The following RUSF1 variants were observed in gnomAD, a reference collection of about 807,000 sequenced individuals.
RUSF1 encodes the protein RUS family member 1, also known as RUS1 family protein C16orf58.
RUSF1 carries 58 observed loss-of-function variants against 63.0 expected under a neutral mutation model. The observed-to-expected ratio is 0.92, with a 90% CI of 0.75 to 1.15. The LOEUF (loss-of-function observed/expected upper bound fraction) is 1.15, where lower values mean the gene tolerates loss of function less well. Ranked by LOEUF, RUSF1 falls within the 50% of genes most tolerant of loss-of-function variation. The pLI is 0.00. For synonymous variants in RUSF1, 274 were observed against 255.8 expected (o/e 1.07, Z -0.68); for missense variants, 652 against 611.0 (o/e 1.07, Z -0.71).
intron 6 of RUSF1, 30 bp downstream of exon 6, chr16:31,496,819 C>A (rs1282929772): frequency 3.3e-6 from 5 of 1,525,216 alleles, no homozygotes; most frequent in Non-Finnish European, 3.5e-6. Context: ...CCTCCCCACT[C>A]CACGCCCTCC....
At chr16:31,502,220 C>T (rs1185835224) in intron 2 of RUSF1, among the ~76,000 whole-genome samples, 1 of 152,202 alleles carries the variant, frequency 6.6e-6, no homozygotes, top group African/African-American at 2.4e-5. Flanking sequence ...AAGGACACTA[C>T]GTTATGGGAA....
At position 31,496,987 on chromosome 16, in the gene RUSF1, A is replaced by G. The variant is rs1463426194; in HGVS notation, c.601-37T>C. The G allele has an allele frequency of 2.6e-6, 4 of 1,522,024 alleles. No individual in the cohort carries two copies. In the Admixed American group the frequency reaches 7.7e-5, roughly 29 times the overall value. The allele number at this position is 1,522,024 out of a possible 1,614,324, so 94.3% of individuals were successfully genotyped here. A position where few individuals can be genotyped will look rare whatever the true frequency, so the allele number is the denominator to read the frequency against. ...GGGAAGAGAGAAGGTTGGCAGAGAC[A>G]CGTGTCCTGGTAACACAGGCACTCA... On this transcript the variant is annotated intron_variant, in intron 5 of 12. Coordinates refer to ENST00000327237, the MANE Select transcript of RUSF1 (RefSeq NM_022744.4).
In RUSF1 at chr16:31,493,500, G is replaced by A. The variant is rs1275380960; in HGVS notation, c.983C>T (p.Ser328Phe). The change falls in exon 9 of 13, where the codon TCC becomes TTC. Residue 328 changes from serine (S) to phenylalanine (F), a missense_variant. Physicochemically the swap from Ser to Phe is radical, Grantham distance 155. Transcript: ENST00000327237. ...CAAGCGGTGTAAGGGGACCCCCAGGGATAGAGACGGAGCTGGCCAGAAACC... is the reference window on the plus strand; with the variant it reads ...CAAGCGGTGTAAGGGGACCCCCAGGAATAGAGACGGAGCTGGCCAGAAACC... ...WTGFWPAPSL[S>F]LGVPLHRLVS... 2 of 1,612,600 alleles carry A rather than the reference G, an allele frequency of 1.2e-6. No individual in the cohort carries two copies. The highest frequency in any genetic ancestry group is 1.1e-5 in the South Asian group (1 of 90,758).
At chr16:31,507,739 G>C (rs893085704) in intron 2 of RUSF1, 25 bp downstream of exon 2, 2 of 1,548,386 alleles carry the variant, frequency 1.3e-6, no homozygotes, top group Admixed American at 3.9e-5. Context: ...GCAGCAATAC[G>C]TGAGGCTCCA....
In RUSF1 at chr16:31,508,199, C is replaced by G; in HGVS notation, c.175G>C (p.Glu59Gln). 1 of 1,566,094 alleles carries G rather than the reference C, an allele frequency of 6.4e-7. No individual in the cohort carries two copies. Among genetic ancestry groups the G allele is most frequent in the Non-Finnish European group, 8.6e-7 (1 of 1,156,122 alleles). The change falls in exon 1 of 13, where the codon GAA becomes CAA. Residue 59 changes from glutamate (E) to glutamine (Q), a missense_variant. Glu to Gln is a conservative substitution (Grantham distance 29). Coordinates refer to ENST00000327237, the MANE Select transcript of RUSF1 (RefSeq NM_022744.4). ...TVKPEGRDAG[E>Q]VGASGAPSPP... ...GAGGGGGCCCCGGAAGCCCCCACTT[C>G]GCCCGCATCTCGTCCTTCAGGTTTG...
chr16:31,495,199 G>T (rs992638138), intron 6 of RUSF1, among the ~76,000 whole-genome samples: 2 of 152,140 alleles, frequency 1.3e-5, no homozygotes, highest in African/African-American at 4.8e-5. Flanking sequence ...CTCATCATGA[G>T]GGAGGAGTCT....
chr16:31,493,955 A>T lies in RUSF1; in HGVS notation c.703-19T>A. 6.2e-7 allele frequency: 1 copy of T among 1,612,988 alleles called. No individual in the cohort carries two copies. The highest frequency in any genetic ancestry group is 8.5e-7 in the Non-Finnish European group (1 of 1,179,498). The stretch of plus-strand genomic sequence containing the variant: ...GCGTCTCCTGGAAAATGGCAGAGGG[A>T]GAAGGAGTTGGAAGGTGCCCCTCCA... On this transcript the variant is annotated intron_variant, in intron 6 of 12. Transcript: ENST00000327237.
intron 6 of RUSF1, among the ~76,000 whole-genome samples, chr16:31,494,779 A>C (rs1457045262): frequency 6.6e-6 from 1 of 151,544 alleles, no homozygotes; most frequent in African/African-American, 2.4e-5. Context: ...TGGTGCAATC[A>C]TAACTCACAG....
At position 31,493,865 on chromosome 16, in the gene RUSF1, C is replaced by T. The variant is rs760747784; in HGVS notation, c.773+1G>A. ...TCCTGCCCACCCTGCTTCCGGCTTA[C>T]CCAGGGCAACCTGACACCAGAGGGA... On this transcript the variant is annotated splice_donor_variant, in intron 7 of 12. Coordinates refer to ENST00000327237, the MANE Select transcript of RUSF1 (RefSeq NM_022744.4). LOFTEE classifies it high-confidence loss of function. The T allele has an allele frequency of 4.0e-5, 65 of 1,614,086 alleles. No individual in the cohort carries two copies. Among genetic ancestry groups the T allele is most frequent in the Non-Finnish European group, 4.9e-5 (58 of 1,180,046 alleles).
At chr16:31,495,410 T>C (rs2082596952) in intron 6 of RUSF1, among the ~76,000 whole-genome samples, 1 of 152,196 alleles carries the variant, frequency 6.6e-6, no homozygotes, top group Non-Finnish European at 1.5e-5. Flanking sequence ...GGAAGAGTCA[T>C]TTCCAGTGGC....
At position 31,508,066 on chromosome 16, in the gene RUSF1, G is replaced by A. The variant is rs754467550; in HGVS notation, c.300+8C>T. On this transcript the variant is annotated splice_region_variant and intron_variant, in intron 1 of 12. Coordinates refer to ENST00000327237, the MANE Select transcript of RUSF1 (RefSeq NM_022744.4). ...GCACTGTCCTCTGCCCCAGACGACCGAGCTGACCTGCACGGAATCCCACAG... is the reference window on the plus strand; with the variant it reads ...GCACTGTCCTCTGCCCCAGACGACCAAGCTGACCTGCACGGAATCCCACAG... 1 of 1,598,400 alleles carries A rather than the reference G, an allele frequency of 6.3e-7. No individual in the cohort carries two copies. Among genetic ancestry groups the A allele is most frequent in the Non-Finnish European group, 8.5e-7 (1 of 1,173,394 alleles).
intron 2 of RUSF1, among the ~76,000 whole-genome samples, chr16:31,501,832 C>T (rs1220646492): frequency 1.3e-5 from 2 of 152,120 alleles, no homozygotes; most frequent in East Asian, 1.9e-4. Context: ...ATAGAAAACA[C>T]TGATTTAGAC....
chr16:31,490,987 G>T, intron 12 of RUSF1, 55 bp from the exon 13 acceptor site: 1 of 1,556,354 alleles, frequency 6.4e-7, no homozygotes, highest in Non-Finnish European at 8.9e-7. Flanking sequence ...GGTAAGGAGA[G>T]GCACAGGCTG....
At position 31,490,286 on chromosome 16, in the gene RUSF1, T is replaced by G; in HGVS notation, c.*549A>C. On this transcript the variant is annotated 3_prime_UTR_variant, in exon 13 of 13. Coordinates refer to ENST00000327237, the MANE Select transcript of RUSF1 (RefSeq NM_022744.4). ...AGGAGCTGAGTTCCCGCAAACTAAC[T>G]GCAGGGCCTCAATTTCCCTCAGAGC... The G allele has an allele frequency of 6.2e-7, 1 of 1,613,602 alleles. No individual in the cohort carries two copies. The highest frequency in any genetic ancestry group is 8.5e-7 in the Non-Finnish European group (1 of 1,179,806).
At chr16:31,504,461 G>A (rs1290477869) in intron 2 of RUSF1, among the ~76,000 whole-genome samples, 3 of 151,994 alleles carry the variant, frequency 2.0e-5, no homozygotes, top group East Asian at 1.9e-4. Flanking sequence ...TACAGATGGC[G>A]TTTTACCATG....
chr16:31,499,553 T>C (rs749831617), intron 3 of RUSF1, 28 bp from the exon 4 acceptor site: 2 of 1,586,830 alleles, frequency 1.3e-6, no homozygotes, highest in Non-Finnish European at 1.7e-6. Context: ...TTGTTGTAAT[T>C]TGGACTTAAG....
In RUSF1 at chr16:31,493,922, G is replaced by T; in HGVS notation, c.717C>A (p.Asn239Lys). 6 of 1,614,120 alleles carry T rather than the reference G, an allele frequency of 3.7e-6. No homozygotes were observed. The highest frequency in any genetic ancestry group is 5.1e-6 in the Non-Finnish European group (6 of 1,180,030). Residue 239 changes from asparagine (N) to lysine (K), a missense_variant, in exon 7 of 13, where the codon AAC (asparagine) becomes AAA (lysine). Physicochemically the swap from Asn to Lys is moderately conservative, Grantham distance 94. Coordinates refer to ENST00000327237, the MANE Select transcript of RUSF1 (RefSeq NM_022744.4). ...GGAGGCTGACCAAGAGCCCCGCCAG[G>T]TTCACCAGCGTCTCCTGGAAAATGG... ...AKDSSQETLVNLAGLLVSLLM... is the reference protein window; with the variant it reads ...AKDSSQETLVKLAGLLVSLLM...
In RUSF1 at chr16:31,508,295, C is replaced by T; in HGVS notation, c.79G>A (p.Ala27Thr). Residue 27 changes from alanine (A) to threonine (T), a missense_variant, in exon 1 of 13, where the codon GCC (alanine) becomes ACC (threonine). Coordinates refer to ENST00000327237, the MANE Select transcript of RUSF1 (RefSeq NM_022744.4). ...TCCCACTGCAGGCTCCCGTCCGCGG[C>T]GGCGCGGCAGCCCCGTGCCTCCCCG... ...GSGEARGCRA[A>T]ADGSLQWEVG... 6.3e-7 allele frequency: 1 copy of T among 1,576,070 alleles called. No individual in the cohort carries two copies.
In RUSF1 at chr16:31,490,904, C is replaced by T. The variant is rs2082561890; in HGVS notation, c.1338G>A (p.Glu446=). 1 of 1,614,052 alleles carries T rather than the reference C, an allele frequency of 6.2e-7. No individual in the cohort carries two copies. ...KGLQDAGWKT[E]KHQLEVDEWR... ...ACTCATCCACCTCTAGCTGGTGCTT[C>T]TCGGTCTTCCAGCCGGCATCCTGCA... The change falls in exon 13 of 13, where the codon GAG becomes GAA. Residue 446 remains glutamate, a synonymous_variant. Transcript: ENST00000327237.
Sources: allele counts gnomAD v4.1 joint callset (sites outside exome capture counted in the v4.1 genomes callset), GRCh38; gene constraint gnomAD v4.1.1; transcripts MANE v1.5; gene names NCBI Gene and HGNC (gene_info 2026-07-23, HGNC 2026-07-21).